Variants in MARCHF1 observed in about 807,000 individuals in gnomAD.
MARCHF1 encodes membrane associated ring-CH-type finger 1.
A neutral mutation model predicts 54.2 loss-of-function variants in MARCHF1; 40 were observed. The observed-to-expected ratio is 0.74, with a 90% CI of 0.57 to 0.96. MARCHF1 has a LOEUF of 0.96. Among genes scored for constraint, MARCHF1 ranks in the 40% least tolerant of loss-of-function variants. The pLI, the probability that MARCHF1 is intolerant of heterozygous loss-of-function variation, is 0.00. For missense variants in MARCHF1, 586 were observed against 656.5 expected (o/e 0.89, Z 1.17); for synonymous variants, 236 against 236.3 (o/e 1.00, Z 0.01).
chr4:163,896,447 C>T (rs1273740543), intron 3 of MARCHF1, among the ~76,000 whole-genome samples: 2 of 152,114 alleles, frequency 1.3e-5, no homozygotes, highest in African/African-American at 4.8e-5. Flanking sequence ...GCATTCTCTC[C>T]TTATTGTTTT....
intron 1 of MARCHF1, among the ~76,000 whole-genome samples, chr4:164,256,141 A>C (rs374708223): frequency 3.3e-5 from 5 of 152,196 alleles, no homozygotes; most frequent in East Asian, 1.9e-4. Flanking sequence ...AAATAAAAAT[A>C]AAAGAAAAAT....
At chr4:164,279,633 A>G (rs1310824897) in intron 1 of MARCHF1, among the ~76,000 whole-genome samples, 3 of 151,804 alleles carry the variant, frequency 2.0e-5, no homozygotes, top group Non-Finnish European at 4.4e-5. Context: ...TCAAAATATC[A>G]CTCTGTATCC....
intron 1 of MARCHF1, among the ~76,000 whole-genome samples, chr4:164,154,784 G>A (rs1730033418): frequency 2.6e-5 from 4 of 152,138 alleles, no homozygotes. Flanking sequence ...CTGCCTTTTT[G>A]CAAGGGCAGG....
chr4:164,235,459 A>G (rs1239976280), intron 1 of MARCHF1, among the ~76,000 whole-genome samples: 1 of 152,146 alleles, frequency 6.6e-6, no homozygotes, highest in African/African-American at 2.4e-5. Context: ...GAACCTTCTC[A>G]GATAAAGTTA....
chr4:164,221,745 G>A (rs1331539097), intron 1 of MARCHF1, among the ~76,000 whole-genome samples: 6 of 151,926 alleles, frequency 3.9e-5, no homozygotes, highest in African/African-American at 1.2e-4. Context: ...AGCTGCTGCT[G>A]CACCTTGAAA....
intron 2 of MARCHF1, among the ~76,000 whole-genome samples, chr4:164,050,258 G>A (rs1441372472): frequency 1.6e-5 from 2 of 126,966 alleles, no homozygotes; most frequent in East Asian, 5.4e-4. Context: ...CTGGGCGACG[G>A]AGCGAGACAC....
intron 1 of MARCHF1, among the ~76,000 whole-genome samples, chr4:164,320,145 C>G (rs1302387775): frequency 6.6e-6 from 1 of 152,124 alleles, no homozygotes; most frequent in East Asian, 1.9e-4. Flanking sequence ...GTGCCAGACA[C>G]TATTTTAGGT....
chr4:164,349,523 AG>A (rs1418426092), intron 1 of MARCHF1, among the ~76,000 whole-genome samples: 1 of 152,258 alleles, frequency 6.6e-6, no homozygotes, highest in East Asian at 1.9e-4. Flanking sequence ...TCCTTTTCAA[AG>A]TACAGTACTT....
intron 2 of MARCHF1, among the ~76,000 whole-genome samples, chr4:164,007,993 C>G (rs1346497004): frequency 6.6e-6 from 1 of 152,042 alleles, no homozygotes; most frequent in Non-Finnish European, 1.5e-5. Context: ...ATTAATAACT[C>G]TGAATGTAAA....
intron 1 of MARCHF1, among the ~76,000 whole-genome samples, chr4:164,182,795 C>T (rs192026790): frequency 6.6e-6 from 1 of 151,990 alleles, no homozygotes; most frequent in African/African-American, 2.4e-5. Flanking sequence ...ATTCTTTATA[C>T]TTTTCCAACC....
intron 1 of MARCHF1, among the ~76,000 whole-genome samples, chr4:164,229,749 C>A (rs1453280387): frequency 6.6e-6 from 1 of 152,086 alleles, no homozygotes; most frequent in Non-Finnish European, 1.5e-5. Flanking sequence ...GGAGTACAGA[C>A]TTCACATGGC....
intron 8 of MARCHF1, among the ~76,000 whole-genome samples, chr4:163,547,320 G>A (rs941311443): frequency 6.6e-6 from 1 of 152,186 alleles, no homozygotes; most frequent in African/African-American, 2.4e-5. Context: ...CATTAGAGTC[G>A]GCATTGTGCC....
At chr4:163,787,692 A>C (rs1747660750) in intron 4 of MARCHF1, among the ~76,000 whole-genome samples, 1 of 151,908 alleles carries the variant, frequency 6.6e-6, no homozygotes, top group African/African-American at 2.4e-5. Context: ...TAAAACAGAA[A>C]ATTACTATAT....
intron 1 of MARCHF1, among the ~76,000 whole-genome samples, chr4:164,325,170 A>G (rs1486033248): frequency 6.6e-6 from 1 of 151,728 alleles, no homozygotes; most frequent in Non-Finnish European, 1.5e-5. Flanking sequence ...ATGTATAGGT[A>G]ATAATCAAAG....
intron 2 of MARCHF1, among the ~76,000 whole-genome samples, chr4:164,070,234 A>G (rs1754834179): frequency 6.6e-6 from 1 of 152,200 alleles, no homozygotes; most frequent in African/African-American, 2.4e-5. Flanking sequence ...TATCTAAAAT[A>G]AAAGTTTAAA....
At chr4:163,813,790 A>C (rs554196912) in intron 4 of MARCHF1, among the ~76,000 whole-genome samples, 1 of 152,202 alleles carries the variant, frequency 6.6e-6, no homozygotes, top group African/African-American at 2.4e-5. Flanking sequence ...GTGTTGGGAG[A>C]AGCTGAGTGT....
intron 1 of MARCHF1, chr4:164,383,221 C>T (rs1731427172): frequency 2.0e-5 from 3 of 152,402 alleles, no homozygotes; most frequent in East Asian, 1.9e-4. Flanking sequence ...GTCTTAAGTC[C>T]CAGCTCTCAG....
chr4:163,724,988 C>G (rs1257324102), intron 4 of MARCHF1, among the ~76,000 whole-genome samples: 2 of 152,092 alleles, frequency 1.3e-5, no homozygotes, highest in Non-Finnish European at 2.9e-5. Context: ...TGTTTCAGCT[C>G]ACACTCAGTG....
rs72983644 is a variant in MARCHF1 at position 164,032,335 on chromosome 4, C to T, written c.-247-43626G>A. Among the ~76,000 whole-genome samples, 813 of 152,224 alleles carry T rather than the reference C, an allele frequency of 5.3e-3. 5 individuals carry two copies. The highest frequency in any genetic ancestry group is 0.015 in the African/African-American group (604 of 41,530). ...GAGTTTTTCATGTTACTATCTCCTTCGGTTCCACTCTGATCTTAGTTATTT... is the reference window on the plus strand; with the variant it reads ...GAGTTTTTCATGTTACTATCTCCTTTGGTTCCACTCTGATCTTAGTTATTT... On this transcript the variant is annotated intron_variant, in intron 2 of 9. Transcript: ENST00000514618.
Sources: allele counts gnomAD v4.1 joint callset (sites outside exome capture counted in the v4.1 genomes callset), GRCh38; gene constraint gnomAD v4.1.1; transcripts MANE v1.5; gene names NCBI Gene and HGNC (gene_info 2026-07-23, HGNC 2026-07-21).